ADAMTSL1: variants seen among roughly 807,000 people sequenced by gnomAD.
ADAMTSL1 encodes the protein ADAMTS-like protein 1.
A neutral mutation model predicts 201.8 loss-of-function variants in ADAMTSL1; 126 were observed. The observed-to-expected ratio is 0.62, with a 90% CI of 0.54 to 0.72. The LOEUF (loss-of-function observed/expected upper bound fraction) is 0.72. Among genes scored for constraint, ADAMTSL1 ranks in the 30% least tolerant of loss-of-function variants. The pLI is 0.00. For missense variants in ADAMTSL1, 2,679 were observed against 2,277.8 expected (o/e 1.18, Z -3.59); for synonymous variants, 1,121 against 903.4 (o/e 1.24, Z -4.32).
At chr9:18,387,260 T>C (rs1837835104) in intron 2 of ADAMTSL1, among the ~76,000 whole-genome samples, 2 of 152,126 alleles carry the variant, frequency 1.3e-5, no homozygotes, top group African/African-American at 2.4e-5. Context: ...GGTAAATAAA[T>C]AGTCATACAC....
intron 2 of ADAMTSL1, among the ~76,000 whole-genome samples, chr9:18,464,590 T>C (rs1820930339): frequency 6.6e-6 from 1 of 152,192 alleles, no homozygotes; most frequent in African/African-American, 2.4e-5. Flanking sequence ...TAATGAGTTA[T>C]GACAGTCAAC....
intron 23 of ADAMTSL1, 99 bp downstream of exon 23, chr9:18,830,076 G>T: frequency 6.8e-7 from 1 of 1,466,676 alleles, no homozygotes; most frequent in Non-Finnish European, 9.1e-7. Context: ...AGCAGTCGGG[G>T]GTGGCCAACA....
chr9:18,740,472 TTTTA>T (rs1818761852), intron 15 of ADAMTSL1, among the ~76,000 whole-genome samples: 1 of 123,976 alleles, frequency 8.1e-6, no homozygotes, highest in African/African-American at 3.2e-5. Flanking sequence ...TTTTTTTTTC[TTTTA>T]TCTTTTTTTT....
chr9:18,325,155 T>C (rs1365563550), intron 2 of ADAMTSL1, among the ~76,000 whole-genome samples: 1 of 152,208 alleles, frequency 6.6e-6, no homozygotes, highest in Non-Finnish European at 1.5e-5. Flanking sequence ...TGTGAAGTGG[T>C]ATAACCACTT....
intron 7 of ADAMTSL1, among the ~76,000 whole-genome samples, chr9:18,644,987 A>G (rs1189417876): frequency 6.6e-6 from 1 of 152,002 alleles, no homozygotes; most frequent in Non-Finnish European, 1.5e-5. Context: ...TGGTTGCACT[A>G]GTTTACAGTC....
intron 13 of ADAMTSL1, among the ~76,000 whole-genome samples, chr9:18,699,069 C>A (rs1360041441): frequency 6.6e-6 from 1 of 152,172 alleles, no homozygotes; most frequent in Non-Finnish European, 1.5e-5. Flanking sequence ...GAACTCAGCC[C>A]CTGCAACATT....
chr9:17,964,645 A>G (rs980471234), intron 1 of ADAMTSL1, among the ~76,000 whole-genome samples: 7 of 152,156 alleles, frequency 4.6e-5, no homozygotes, highest in African/African-American at 1.7e-4. Context: ...GGATGATATC[A>G]ATGTTAATAT....
chr9:18,487,853 C>T (rs1482876504), intron 1 of ADAMTSL1, among the ~76,000 whole-genome samples: 1 of 152,156 alleles, frequency 6.6e-6, no homozygotes, highest in Non-Finnish European at 1.5e-5. Flanking sequence ...GCTTCAGAAC[C>T]AAGTTCATTG....
At chr9:18,186,179 G>A (rs987933644) in intron 2 of ADAMTSL1, among the ~76,000 whole-genome samples, 3 of 152,164 alleles carry the variant, frequency 2.0e-5, no homozygotes, top group Non-Finnish European at 4.4e-5. Context: ...AATGGCTAAT[G>A]ATGGTTGTGG....
intron 1 of ADAMTSL1, among the ~76,000 whole-genome samples, chr9:18,066,270 T>C (rs969830288): frequency 2.6e-5 from 4 of 152,138 alleles, no homozygotes. Context: ...GAAGCACCAA[T>C]AATAGAAGTA....
chr9:17,968,135 T>C (rs1011923889), intron 1 of ADAMTSL1, among the ~76,000 whole-genome samples: 2 of 152,118 alleles, frequency 1.3e-5, no homozygotes, highest in South Asian at 2.1e-4. Context: ...ATGGATTACA[T>C]TGAAGACTGA....
chr9:18,815,014 CT>C, intron 20 of ADAMTSL1, among the ~76,000 whole-genome samples: 1 of 152,208 alleles, frequency 6.6e-6, no homozygotes, highest in East Asian at 1.9e-4. Context: ...GTGATATCAC[CT>C]TACCTCTATT....
At chr9:18,107,105 T>C (rs767390159) in intron 1 of ADAMTSL1, among the ~76,000 whole-genome samples, 4 of 152,206 alleles carry the variant, frequency 2.6e-5, no homozygotes, top group Non-Finnish European at 4.4e-5. Context: ...TTATTAAGTC[T>C]ATGCCTAATT....
chr9:18,236,202 C>T (rs1830841103), intron 2 of ADAMTSL1, among the ~76,000 whole-genome samples: 1 of 152,190 alleles, frequency 6.6e-6, no homozygotes. Context: ...TCCTGAGTAG[C>T]TGGGATTACA....
At chr9:18,584,537 A>G (rs1027840411) in intron 4 of ADAMTSL1, among the ~76,000 whole-genome samples, 1 of 152,204 alleles carries the variant, frequency 6.6e-6, no homozygotes, top group Non-Finnish European at 1.5e-5. Context: ...CTGCCACTGT[A>G]TAACAGGACT....
At chr9:18,181,615 A>G (rs1161535142) in intron 2 of ADAMTSL1, among the ~76,000 whole-genome samples, 4 of 150,444 alleles carry the variant, frequency 2.7e-5, no homozygotes, top group South Asian at 2.1e-4. Context: ...TAGAATGGCG[A>G]TCATTAAAAA....
intron 27 of ADAMTSL1, among the ~76,000 whole-genome samples, chr9:18,906,266 G>A (rs1298918021): frequency 6.6e-6 from 1 of 152,142 alleles, no homozygotes; most frequent in Non-Finnish European, 1.5e-5. Context: ...CCCTCTAGAA[G>A]TTAGGCTAAG....
chr9:18,635,236 A>G (rs1487740425), intron 5 of ADAMTSL1, among the ~76,000 whole-genome samples: 1 of 152,150 alleles, frequency 6.6e-6, no homozygotes, highest in Non-Finnish European at 1.5e-5. Context: ...TTTGAGATGC[A>G]TGTAATATAG....
chr9:18,593,706 T>C (rs1011615808), intron 4 of ADAMTSL1, among the ~76,000 whole-genome samples: 7 of 152,120 alleles, frequency 4.6e-5, no homozygotes, highest in Admixed American at 2.6e-4. Context: ...TCCATGTGTT[T>C]GTATAGTTTC....
Sources: gnomAD v4.1 joint callset for allele counts (sites outside exome capture counted in the v4.1 genomes callset) on GRCh38, gnomAD v4.1.1 for gene constraint, MANE v1.5 for transcripts, NCBI Gene and HGNC (gene_info 2026-07-23, HGNC 2026-07-21) for gene names.